GAS2: variants seen among roughly 807,000 people sequenced by gnomAD.
GAS2 encodes the protein growth arrest-specific protein 2.
GAS2 carries 20 observed loss-of-function variants against 37.5 expected under a neutral mutation model. The observed-to-expected ratio is 0.53, with a 90% CI of 0.37 to 0.77. GAS2 has a LOEUF of 0.77. GAS2 is among the 30% of genes least tolerant of loss of function. The pLI, the probability that GAS2 is intolerant of heterozygous loss-of-function variation, is 0.00. For missense variants in GAS2, 336 were observed against 373.4 expected (o/e 0.90, Z 0.82); for synonymous variants, 144 against 132.2 (o/e 1.09, Z -0.61).
At chr11:22,697,460 G>GT (rs1417473124) in intron 3 of GAS2, among the ~76,000 whole-genome samples, 1 of 152,086 alleles carries the variant, frequency 6.6e-6, no homozygotes, top group African/African-American at 2.4e-5. Flanking sequence ...CTTTAAAGTA[G>GT]TTTTTTCCAA....
intron 3 of GAS2, among the ~76,000 whole-genome samples, chr11:22,715,169 A>C (rs1851603401): frequency 6.6e-6 from 1 of 152,200 alleles, no homozygotes; most frequent in South Asian, 2.1e-4. Flanking sequence ...TTAATTAGAA[A>C]CAGGCCAGGT....
intron 5 of GAS2, among the ~76,000 whole-genome samples, chr11:22,744,084 A>G (rs1853243738): frequency 1.3e-5 from 2 of 152,150 alleles, no homozygotes; most frequent in Non-Finnish European, 2.9e-5. Context: ...AAAAGATTGG[A>G]TCAGGAAAAA....
intron 7 of GAS2, among the ~76,000 whole-genome samples, chr11:22,798,429 A>G (rs1856525260): frequency 6.6e-6 from 1 of 152,074 alleles, no homozygotes; most frequent in African/African-American, 2.4e-5. Context: ...TATTCTGGTC[A>G]TACAGCAAGT....
intron 3 of GAS2, among the ~76,000 whole-genome samples, chr11:22,722,429 C>T (rs1357761231): frequency 6.6e-6 from 1 of 151,864 alleles, no homozygotes; most frequent in African/African-American, 2.4e-5. Context: ...TTGGTAGTAA[C>T]TTCTCATTTT....
chr11:22,698,301 C>T lies in GAS2; in HGVS notation c.267+12512C>T, dbSNP rs141130726. 1.9e-3 allele frequency among the ~76,000 whole-genome samples: 291 copies of T among 152,186 alleles called. 2 individuals carry two copies. The highest frequency in any genetic ancestry group is 6.2e-3 in the African/African-American group (259 of 41,530). On this transcript the variant is annotated intron_variant, in intron 3 of 7. Transcript: ENST00000454584. ...GGATAAATTCCTCAACACAGTCACCCTCCCAAGACTAAACCAGGAAGAAGT... is the reference window on the plus strand; with the variant it reads ...GGATAAATTCCTCAACACAGTCACCTTCCCAAGACTAAACCAGGAAGAAGT...
intron 4 of GAS2, among the ~76,000 whole-genome samples, chr11:22,734,749 G>A (rs997790488): frequency 6.6e-6 from 1 of 151,610 alleles, no homozygotes; most frequent in Non-Finnish European, 1.5e-5. Context: ...ATGTGATTTT[G>A]TAGAATAACC....
intron 1 of GAS2, among the ~76,000 whole-genome samples, chr11:22,629,003 G>A (rs1858706578): frequency 6.6e-6 from 1 of 150,380 alleles, no homozygotes; most frequent in Non-Finnish European, 1.5e-5. Flanking sequence ...CATGGTATGT[G>A]TGTGTGTGTG....
At chr11:22,785,099 T>C (rs976370935) in intron 7 of GAS2, among the ~76,000 whole-genome samples, 1 of 152,112 alleles carries the variant, frequency 6.6e-6, no homozygotes, top group Admixed American at 6.6e-5. Flanking sequence ...CAAGAACAGC[T>C]TGCTTGGTCT....
chr11:22,696,858 A>C (rs1256521884), intron 3 of GAS2, among the ~76,000 whole-genome samples: 121 of 150,580 alleles, frequency 8.0e-4, no homozygotes, highest in Non-Finnish European at 1.6e-3. Context: ...TTGTCAGATG[A>C]GTAGGTTGCG....
At chr11:22,651,733 C>G (rs1009437103) in intron 1 of GAS2, among the ~76,000 whole-genome samples, 4 of 152,208 alleles carry the variant, frequency 2.6e-5, no homozygotes, top group African/African-American at 9.7e-5. Context: ...CTTCTGCATT[C>G]TTCATGTAGT....
intron 7 of GAS2, among the ~76,000 whole-genome samples, chr11:22,762,757 A>C (rs915007651): frequency 6.6e-6 from 1 of 152,180 alleles, no homozygotes; most frequent in Non-Finnish European, 1.5e-5. Context: ...TATGATGGAC[A>C]CTGTATAAAA....
At position 22,685,723 on chromosome 11, in the gene GAS2, C is replaced by G. The variant is rs759284147; in HGVS notation, c.201C>G (p.Leu67=). ...FMEKLDNGAL[L]CQLAETMQEK... is the part of the protein sequence containing the mutation. Reference sequence around the variant, plus strand: ...AGAAGTTGGACAATGGTGCCTTGCTCTGTCAACTTGCAGAAACTATGCAGG... The same window carrying G: ...AGAAGTTGGACAATGGTGCCTTGCTGTGTCAACTTGCAGAAACTATGCAGG... Residue 67 remains leucine, a synonymous_variant, in exon 3 of 8, where the codon CTC becomes CTG. Coordinates refer to ENST00000454584, the MANE Select transcript of GAS2 (RefSeq NM_001143830.3). 6.2e-7 allele frequency: 1 copy of G among 1,613,728 alleles called. No homozygotes were observed. The highest frequency in any genetic ancestry group is 1.1e-5 in the South Asian group (1 of 91,044).
At chr11:22,667,146 C>T (rs1224226594) in intron 1 of GAS2, 1 of 152,282 alleles carries the variant, frequency 6.6e-6, no homozygotes, top group Non-Finnish European at 1.5e-5. Context: ...CTGGAAACAA[C>T]CATGTGTTCC....
intron 2 of GAS2, among the ~76,000 whole-genome samples, chr11:22,676,041 T>TATCCTATATTTCTTTTTTCTTC (rs1849412616): frequency 6.6e-6 from 1 of 152,186 alleles, no homozygotes; most frequent in Non-Finnish European, 1.5e-5. Flanking sequence ...AGGATTTCTT[T>TATCCTATATTTCTTTTTTCTTC]ATCCTATATT....
At chr11:22,688,274 A>T (rs1162028026) in intron 3 of GAS2, 1 of 152,120 alleles carries the variant, frequency 6.6e-6, no homozygotes, top group Non-Finnish European at 1.5e-5. Context: ...TTTTGATAAA[A>T]TCTCTTTTCC....
chr11:22,747,373 GA>G (rs1276553587), intron 5 of GAS2, among the ~76,000 whole-genome samples: 1 of 152,048 alleles, frequency 6.6e-6, no homozygotes, highest in Non-Finnish European at 1.5e-5. Context: ...ATGTACAACA[GA>G]TTAGAAATAT....
intron 5 of GAS2, among the ~76,000 whole-genome samples, chr11:22,739,968 T>C (rs1852983672): frequency 6.6e-6 from 1 of 151,898 alleles, no homozygotes; most frequent in Non-Finnish European, 1.5e-5. Context: ...TTATATATTG[T>C]TATTATATAT....
intron 1 of GAS2, among the ~76,000 whole-genome samples, chr11:22,636,437 A>G (rs1380573706): frequency 1.3e-5 from 2 of 152,190 alleles, no homozygotes; most frequent in Non-Finnish European, 2.9e-5. Flanking sequence ...TTTAATATGA[A>G]TTCTACCACT....
At chr11:22,737,872 G>A in intron 5 of GAS2, 104 bp downstream of exon 5, 1 of 990,782 alleles carries the variant, frequency 1.0e-6, no homozygotes, top group Non-Finnish European at 1.6e-6. Flanking sequence ...CCTGGATGTT[G>A]AGAAGCTACT....
Sources: allele counts gnomAD v4.1 joint callset (sites outside exome capture counted in the v4.1 genomes callset), GRCh38; gene constraint gnomAD v4.1.1; transcripts MANE v1.5; gene names NCBI Gene and HGNC (gene_info 2026-07-23, HGNC 2026-07-21).